Variants in SNCAIP observed in about 807,000 individuals in gnomAD.
SNCAIP encodes synuclein alpha interacting protein.
In SNCAIP, 43 loss-of-function variants were observed where a neutral mutation model predicts 86.7. The observed-to-expected ratio is 0.50, with a 90% CI of 0.39 to 0.64. The LOEUF (loss-of-function observed/expected upper bound fraction) is 0.64. Ranked by LOEUF, SNCAIP falls within the 30% of genes least tolerant of loss-of-function variation. The probability of loss-of-function intolerance (pLI) is 0.00; values close to 1 mark genes in which losing one functional copy is unlikely to be tolerated. For missense variants in SNCAIP, 981 were observed against 1,103.1 expected (o/e 0.89, Z 1.57); for synonymous variants, 417 against 427.2 (o/e 0.98, Z 0.29).
upstream of SNCAIP, chr5:122,311,384 AC>A (rs1750570993): frequency 6.6e-6 from 1 of 151,960 alleles, no homozygotes; most frequent in Admixed American, 6.5e-5. Flanking sequence ...AGGCAAAGCC[AC>A]CCTTGCCCTC....
chr5:122,331,733 C>G (rs1177390305), intron 1 of SNCAIP, among the ~76,000 whole-genome samples: 1 of 152,162 alleles, frequency 6.6e-6, no homozygotes, highest in Non-Finnish European at 1.5e-5. Flanking sequence ...TTTAATGTCT[C>G]CACTTAATCC....
rs12520839 is a variant in SNCAIP at position 122,316,978 on chromosome 5, A to G, written c.-47+4694A>G. On this transcript the variant is annotated intron_variant, in intron 1 of 10. Transcript: ENST00000261368. ...AATACGTTTTTATCATTTTTATTGC[A>G]CAAGTCTAAAACCCCTGAAGACACT... 7.5e-3 allele frequency among the ~76,000 whole-genome samples: 1,139 copies of G among 152,310 alleles called. 30 individuals carry two copies. Among genetic ancestry groups the G allele is most frequent in the Admixed American group, 0.032 (497 of 15,298 alleles).
intron 5 of SNCAIP, among the ~76,000 whole-genome samples, chr5:122,426,424 C>T (rs1420938131): frequency 6.6e-6 from 1 of 152,134 alleles, no homozygotes; most frequent in Non-Finnish European, 1.5e-5. Context: ...AAGAACGTTA[C>T]ATTTAAAAAA....
At chr5:122,437,082 T>C (rs375931115) in intron 6 of SNCAIP, 3 of 152,290 alleles carry the variant, frequency 2.0e-5, no homozygotes, top group South Asian at 2.1e-4. Context: ...GCAATACTTA[T>C]GGGGAAATGA....
chr5:122,424,627 T>C (rs1158672352), intron 4 of SNCAIP, among the ~76,000 whole-genome samples: 3 of 152,220 alleles, frequency 2.0e-5, no homozygotes, highest in Non-Finnish European at 4.4e-5. Flanking sequence ...TAGTATTTTT[T>C]CTCCTGAAAA....
intron 10 of SNCAIP, among the ~76,000 whole-genome samples, chr5:122,454,157 G>A (rs1316704017): frequency 6.6e-6 from 1 of 152,240 alleles, no homozygotes; most frequent in East Asian, 1.9e-4. Context: ...CATGTGGGTA[G>A]GTGGATAGGT....
At chr5:122,448,661 TTATA>T (rs1438314827) in intron 8 of SNCAIP, among the ~76,000 whole-genome samples, 1 of 110,940 alleles carries the variant, frequency 9.0e-6, no homozygotes, top group Non-Finnish European at 1.9e-5. Context: ...TTTATATATA[TTATA>T]TATATTATAT....
intron 1 of SNCAIP, among the ~76,000 whole-genome samples, chr5:122,383,147 C>T (rs1767292484): frequency 6.6e-6 from 1 of 152,226 alleles, no homozygotes; most frequent in African/African-American, 2.4e-5. Flanking sequence ...AGCCTCGCTG[C>T]AGCCTTGCAG....
chr5:122,459,292 T>G (rs994962017), intron 10 of SNCAIP, among the ~76,000 whole-genome samples: 1 of 152,210 alleles, frequency 6.6e-6, no homozygotes, highest in Non-Finnish European at 1.5e-5. Context: ...TGCTGTAAGT[T>G]GCAGTCTGGT....
chr5:122,356,092 TTTC>T (rs1470423934), intron 1 of SNCAIP, among the ~76,000 whole-genome samples: 15 of 143,078 alleles, frequency 1.0e-4, no homozygotes, highest in African/African-American at 3.7e-4. Flanking sequence ...AGAGTTAGCC[TTTC>T]TTTTTTTTTT....
At chr5:122,425,277 T>C in intron 4 of SNCAIP, 75 bp from the exon 5 acceptor site, 1 of 1,117,574 alleles carries the variant, frequency 8.9e-7, no homozygotes, top group Non-Finnish European at 1.4e-6. Flanking sequence ...TTCTTTCCAG[T>C]GCCCAGAGAA....
intron 1 of SNCAIP, among the ~76,000 whole-genome samples, chr5:122,339,117 A>G (rs1471932306): frequency 1.3e-5 from 2 of 152,042 alleles, no homozygotes; most frequent in Non-Finnish European, 2.9e-5. Context: ...TGAGTTTGTG[A>G]TCATTTGGGA....
intron 1 of SNCAIP, among the ~76,000 whole-genome samples, chr5:122,345,220 T>G (rs559021799): frequency 6.6e-6 from 1 of 152,166 alleles, no homozygotes; most frequent in Non-Finnish European, 1.5e-5. Flanking sequence ...TGTATCAAAT[T>G]TTTTGTTATT....
At chr5:122,327,493 A>G (rs1266526395) in intron 1 of SNCAIP, among the ~76,000 whole-genome samples, 4 of 152,136 alleles carry the variant, frequency 2.6e-5, no homozygotes, top group African/African-American at 9.7e-5. Flanking sequence ...AGGTGACTGG[A>G]TCACAGGGGC....
At chr5:122,326,056 A>G (rs1753950708) in intron 1 of SNCAIP, among the ~76,000 whole-genome samples, 1 of 152,216 alleles carries the variant, frequency 6.6e-6, no homozygotes, top group African/African-American at 2.4e-5. Flanking sequence ...ATTTGTGACC[A>G]CTGAATAATA....
chr5:122,366,875 T>C (rs1047108824), intron 1 of SNCAIP, among the ~76,000 whole-genome samples: 1 of 152,174 alleles, frequency 6.6e-6, no homozygotes, highest in African/African-American at 2.4e-5. Flanking sequence ...TGTAGACTCC[T>C]AGAATTATTT....
intron 3 of SNCAIP, among the ~76,000 whole-genome samples, chr5:122,415,087 A>C (rs1382834439): frequency 6.6e-6 from 1 of 152,232 alleles, no homozygotes; most frequent in Non-Finnish European, 1.5e-5. Flanking sequence ...TTTATAGTAT[A>C]CTTGTGAAGT....
At chr5:122,327,693 A>G (rs1235491081) in intron 1 of SNCAIP, among the ~76,000 whole-genome samples, 2 of 152,252 alleles carry the variant, frequency 1.3e-5, no homozygotes, top group Non-Finnish European at 2.9e-5. Context: ...CTGTGAGTCA[A>G]TTAAACCTCT....
At chr5:122,442,441 C>G (rs549396232) in intron 7 of SNCAIP, among the ~76,000 whole-genome samples, 32 of 152,012 alleles carry the variant, frequency 2.1e-4, no homozygotes, top group African/African-American at 7.7e-4. Context: ...GGAAATAGTC[C>G]GGAGAGCTGA....
Sources: allele counts gnomAD v4.1 joint callset (sites outside exome capture counted in the v4.1 genomes callset), GRCh38; gene constraint gnomAD v4.1.1; transcripts MANE v1.5; gene names NCBI Gene and HGNC (gene_info 2026-07-23, HGNC 2026-07-21).